C1GALT1: variants seen among roughly 807,000 people sequenced by gnomAD.
The protein encoded by C1GALT1 is glycoprotein-N-acetylgalactosamine 3-beta-galactosyltransferase 1.
C1GALT1 carries 11 observed loss-of-function variants against 31.0 expected under a neutral mutation model. That is an observed-to-expected ratio of 0.36 (90% CI 0.22 to 0.59). C1GALT1 has a LOEUF of 0.59. Ranked by LOEUF, C1GALT1 falls within the 20% of genes least tolerant of loss-of-function variation. The pLI, the probability that C1GALT1 is intolerant of heterozygous loss-of-function variation, is 0.79. For synonymous variants in C1GALT1, 175 were observed against 143.6 expected (o/e 1.22, Z -1.56); for missense variants, 424 against 425.2 (o/e 1.00, Z 0.03).
intron 1 of C1GALT1, among the ~76,000 whole-genome samples, chr7:7,185,582 A>G (rs984586620): frequency 6.6e-6 from 1 of 151,882 alleles, no homozygotes; most frequent in Non-Finnish European, 1.5e-5. Flanking sequence ...CAGCTATGTC[A>G]CTCCAGTCTG....
intron 1 of C1GALT1, among the ~76,000 whole-genome samples, chr7:7,232,295 A>G (rs1304772415): frequency 6.6e-6 from 1 of 152,226 alleles, no homozygotes; most frequent in East Asian, 1.9e-4. Flanking sequence ...CCAGAAATAC[A>G]TGAAGTTGTT....
chr7:7,196,714 C>T (rs1322166787), intron 1 of C1GALT1, among the ~76,000 whole-genome samples: 1 of 152,210 alleles, frequency 6.6e-6, no homozygotes, highest in East Asian at 1.9e-4. Context: ...TCCACATCCT[C>T]TCCAGCACCT....
intron 3 of C1GALT1, 137 bp from the exon 4 acceptor site, chr7:7,243,387 A>G (rs1349123496): frequency 1.3e-5 from 9 of 674,802 alleles, no homozygotes; most frequent in South Asian, 6.5e-5. Flanking sequence ...GGTCTAGTAC[A>G]TTAGGTTCCT....
chr7:7,162,088 T>TC (rs1780340103), intron 2 of C1GALT1, among the ~76,000 whole-genome samples: 2 of 151,376 alleles, frequency 1.3e-5, no homozygotes, highest in African/African-American at 2.4e-5. Context: ...TCTTTTTTTT[T>TC]ATTAGCTATT....
chr7:7,230,774 T>A (rs952244383), intron 1 of C1GALT1, among the ~76,000 whole-genome samples: 4 of 151,856 alleles, frequency 2.6e-5, no homozygotes, highest in Non-Finnish European at 4.4e-5. Context: ...TTAATCAGTT[T>A]TTTTTTTTTA....
chr7:7,209,297 C>G (rs1781887395), intron 1 of C1GALT1: 1 of 152,126 alleles, frequency 6.6e-6, no homozygotes, highest in Admixed American at 6.5e-5. Context: ...TAAATGGCAG[C>G]CTTAAGTGAA....
intron 1 of C1GALT1, chr7:7,183,545 G>A: frequency 2.0e-6 from 2 of 983,154 alleles, no homozygotes; most frequent in Non-Finnish European, 2.4e-6. Context: ...CCAACAAATT[G>A]TGATGGAATT....
chr7:7,243,704 A>G lies in C1GALT1; in HGVS notation c.1069A>G (p.Lys357Glu), dbSNP rs749452892. The change falls in exon 4 of 4, where the codon AAA becomes GAA. Residue 357 changes from lysine (K) to glutamate (E), a missense_variant. Physicochemically the swap from Lys to Glu is moderately conservative, Grantham distance 56. Around this residue, in one of 3 missense-constraint regions of C1GALT1, gnomAD observed 191 missense variants for 188.8 expected, o/e 1.01. Coordinates refer to ENST00000436587, the MANE Select transcript of C1GALT1 (RefSeq NM_020156.5). ...TCAAGCAAACAAAAATGAAGATACA[A>G]AAGTGAAGTTAGGAAATCCTTGAAA... is the stretch of plus-strand genomic sequence containing the variant. Reference protein sequence around the residue: ...ISQANKNEDTKVKLGNP With the variant: ...ISQANKNEDTEVKLGNP 4.0e-5 allele frequency: 64 copies of G among 1,605,956 alleles called. No individual in the cohort carries two copies. The highest frequency in any genetic ancestry group is 2.1e-4 in the Middle Eastern group (1 of 4,802).
intron 1 of C1GALT1, among the ~76,000 whole-genome samples, chr7:7,204,143 G>C (rs570587123): frequency 2.1e-5 from 3 of 145,094 alleles, no homozygotes; most frequent in African/African-American, 7.6e-5. Context: ...AAAAGTTTGA[G>C]AAGGCTTGGT....
intron 1 of C1GALT1, among the ~76,000 whole-genome samples, chr7:7,190,988 T>C (rs909127772): frequency 6.6e-6 from 1 of 152,042 alleles, no homozygotes; most frequent in Non-Finnish European, 1.5e-5. Flanking sequence ...TTTGGTAAAA[T>C]ACATACAAAG....
At chr7:7,183,687 G>A (rs1260209518) in intron 1 of C1GALT1, 1 of 668,962 alleles carries the variant, frequency 1.5e-6, no homozygotes, top group Non-Finnish European at 1.7e-6. Context: ...CCACCACCCC[G>A]CATTTAAAGC....
upstream of C1GALT1, among the ~76,000 whole-genome samples, chr7:7,181,126 G>T (rs942731439): frequency 1.3e-4 from 19 of 150,880 alleles, no homozygotes; most frequent in African/African-American, 4.7e-4. Context: ...GTGAGTTTTG[G>T]TTTCTATTTG....
At chr7:7,239,143 C>T (rs1361484549) in intron 3 of C1GALT1, among the ~76,000 whole-genome samples, 1 of 152,184 alleles carries the variant, frequency 6.6e-6, no homozygotes, top group East Asian at 1.9e-4. Context: ...ATATGCCAGG[C>T]ACTGAGAATG....
chr7:7,223,059 A>ATT (rs1782585700), intron 1 of C1GALT1, among the ~76,000 whole-genome samples: 1 of 152,138 alleles, frequency 6.6e-6, no homozygotes. Flanking sequence ...CCATAATGCC[A>ATT]TTTTTGCCTA....
intron 1 of C1GALT1, among the ~76,000 whole-genome samples, chr7:7,216,905 T>A (rs1426627633): frequency 6.6e-6 from 1 of 152,200 alleles, no homozygotes; most frequent in Admixed American, 6.5e-5. Context: ...AGTTATTGAG[T>A]ACTGCCTGCT....
chr7:7,172,383 C>G (rs1003882476), intron 2 of C1GALT1, among the ~76,000 whole-genome samples: 2 of 152,150 alleles, frequency 1.3e-5, no homozygotes. Flanking sequence ...AAGATTCTCT[C>G]TCTACCTCTG....
rs549799069 is a variant in C1GALT1 at position 7,196,463 on chromosome 7, T to C, written c.-18+13643T>C. Among the ~76,000 whole-genome samples the C allele has an allele frequency of 1.5e-3, 236 of 152,346 alleles. 2 individuals carry two copies. The highest frequency in any genetic ancestry group is 0.01 in the Middle Eastern group (3 of 294). On this transcript the variant is annotated intron_variant, in intron 1 of 3. Transcript: ENST00000436587. ...CACATTTTCTTACTCCAGTCTATCA[T>C]TGATGGACATTTGGGTTGGTTCCAA...
At chr7:7,217,734 T>C (rs541986797) in intron 1 of C1GALT1, among the ~76,000 whole-genome samples, 104 of 152,264 alleles carry the variant, frequency 6.8e-4, no homozygotes, top group African/African-American at 2.4e-3. Flanking sequence ...AGTACAGTGG[T>C]ACAATCATAG....
chr7:7,211,774 T>C (rs1210429652), intron 1 of C1GALT1, among the ~76,000 whole-genome samples: 3 of 152,220 alleles, frequency 2.0e-5, no homozygotes, highest in Admixed American at 6.5e-5. Context: ...TTCCCACAAT[T>C]AGTATAGTGA....
Sources: gnomAD v4.1 joint callset for allele counts (sites outside exome capture counted in the v4.1 genomes callset) on GRCh38, gnomAD v4.1.1 for gene constraint, gnomAD v4.1.1 regional missense constraint, MANE v1.5 for transcripts, NCBI Gene and HGNC (gene_info 2026-07-23, HGNC 2026-07-21) for gene names.